Variants in AGBL1 observed in about 807,000 individuals in gnomAD.
AGBL1 encodes the protein AGBL carboxypeptidase 1, also known as cytosolic carboxypeptidase 4.
AGBL1 carries 130 observed loss-of-function variants against 118.9 expected under a neutral mutation model. That is an observed-to-expected ratio of 1.09 (90% CI 0.95 to 1.26). The LOEUF (loss-of-function observed/expected upper bound fraction) is 1.26. Among genes scored for constraint, AGBL1 ranks in the 50% most tolerant of loss-of-function variants. The pLI is 0.00. For missense variants in AGBL1, 1,584 were observed against 1,298.1 expected, an observed-to-expected ratio of 1.22 and a Z score of -3.38; for synonymous variants, 555 against 478.9, an observed-to-expected ratio of 1.16 and a Z score of -2.08.
At chr15:86,571,977 C>G (rs927515950) in intron 21 of AGBL1, among the ~76,000 whole-genome samples, 8 of 152,208 alleles carry the variant, frequency 5.3e-5, no homozygotes, top group African/African-American at 1.9e-4. Flanking sequence ...ACCCCCTTAG[C>G]CTCCCTCCCA....
At chr15:86,777,525 T>C (rs1280364300) in intron 22 of AGBL1, among the ~76,000 whole-genome samples, 1 of 152,092 alleles carries the variant, frequency 6.6e-6, no homozygotes, top group Non-Finnish European at 1.5e-5. Context: ...AAAGATCTTT[T>C]TGGAATTTTA....
intron 18 of AGBL1, among the ~76,000 whole-genome samples, chr15:86,425,295 A>T (rs1166514039): frequency 6.6e-6 from 1 of 151,948 alleles, no homozygotes; most frequent in African/African-American, 2.4e-5. Context: ...AGAAACAAAA[A>T]ACCAAACACC....
At chr15:86,182,735 C>T (rs2077571120) in intron 5 of AGBL1, among the ~76,000 whole-genome samples, 1 of 152,094 alleles carries the variant, frequency 6.6e-6, no homozygotes. Flanking sequence ...TAATAAGTCA[C>T]ATTGGATTAT....
At chr15:86,155,521 C>A (rs2077176877) in intron 4 of AGBL1, among the ~76,000 whole-genome samples, 1 of 152,176 alleles carries the variant, frequency 6.6e-6, no homozygotes, top group Non-Finnish European at 1.5e-5. Flanking sequence ...GAATTTCTAA[C>A]TCCAGAGCTC....
chr15:86,279,847 A>G (rs2079320735), intron 16 of AGBL1, 64 bp downstream of exon 16: 2 of 1,573,544 alleles, frequency 1.3e-6, no homozygotes, highest in Non-Finnish European at 1.7e-6. Flanking sequence ...TTTTCCTGGG[A>G]ACATTTTGGA....
intron 21 of AGBL1, among the ~76,000 whole-genome samples, chr15:86,658,613 T>C (rs1372187671): frequency 2.0e-5 from 3 of 152,140 alleles, no homozygotes; most frequent in Non-Finnish European, 4.4e-5. Flanking sequence ...TTGGCCAGTG[T>C]TTCTCATTTG....
chr15:86,977,354 G>A (rs55889073), intron 23 of AGBL1, among the ~76,000 whole-genome samples: 6,070 of 150,760 alleles, frequency 0.04, 151 homozygotes, highest in Middle Eastern at 0.069. Flanking sequence ...ATTGTAATGT[G>A]TGGTAAGTTC....
chr15:86,542,815 T>G (rs11852299), intron 19 of AGBL1, among the ~76,000 whole-genome samples: 73,347 of 152,026 alleles, frequency 0.48, 18,793 homozygotes, highest in East Asian at 0.75. Flanking sequence ...GATGTCTACT[T>G]TATCTGATAA....
At chr15:86,817,432 A>G (rs1213017548) in intron 22 of AGBL1, among the ~76,000 whole-genome samples, 1 of 151,572 alleles carries the variant, frequency 6.6e-6, no homozygotes, top group Non-Finnish European at 1.5e-5. Flanking sequence ...AAGCTATTAA[A>G]TAAGGCAAGT....
At chr15:86,193,461 C>G in intron 5 of AGBL1, among the ~76,000 whole-genome samples, 1 of 152,142 alleles carries the variant, frequency 6.6e-6, no homozygotes, top group East Asian at 1.9e-4. Flanking sequence ...AGGTGTCACT[C>G]TGGCCCACTT....
chr15:86,228,010 C>G (rs543670598), intron 6 of AGBL1, among the ~76,000 whole-genome samples: 3 of 152,286 alleles, frequency 2.0e-5, no homozygotes, highest in Admixed American at 6.5e-5. Flanking sequence ...GAAGTAATAA[C>G]AGCATGCTAG....
At chr15:86,391,858 C>T (rs1331746124) in intron 17 of AGBL1, among the ~76,000 whole-genome samples, 1 of 151,982 alleles carries the variant, frequency 6.6e-6, no homozygotes. Context: ...CAGACGTTTG[C>T]AAATACGTCT....
At chr15:86,861,168 A>G (rs1356670582) in intron 22 of AGBL1, among the ~76,000 whole-genome samples, 1 of 152,158 alleles carries the variant, frequency 6.6e-6, no homozygotes, top group Non-Finnish European at 1.5e-5. Context: ...TCTGATCCCC[A>G]TTGAAGGTAT....
intron 3 of AGBL1, among the ~76,000 whole-genome samples, chr15:86,144,153 T>C (rs912681492): frequency 6.6e-6 from 1 of 152,132 alleles, no homozygotes; most frequent in South Asian, 2.1e-4. Flanking sequence ...TAAAAATAAA[T>C]GGAACATGTC....
chr15:86,512,827 A>G (rs1163027958), intron 18 of AGBL1, among the ~76,000 whole-genome samples: 1 of 151,522 alleles, frequency 6.6e-6, no homozygotes, highest in African/African-American at 2.4e-5. Flanking sequence ...TTCTTTCTAC[A>G]CTAGGTTTTA....
intron 22 of AGBL1, among the ~76,000 whole-genome samples, chr15:86,775,355 A>G (rs11631662): frequency 0.11 from 16,160 of 152,148 alleles, 891 homozygotes; most frequent in South Asian, 0.15. Flanking sequence ...GCAAAAGGCA[A>G]TTGGGATCTC....
chr15:86,831,099 T>A (rs2079098160), intron 22 of AGBL1, among the ~76,000 whole-genome samples: 1 of 152,126 alleles, frequency 6.6e-6, no homozygotes, highest in Non-Finnish European at 1.5e-5. Flanking sequence ...CCATCAGATC[T>A]CCTGAGACTT....
At chr15:86,146,625 G>A (rs371225651) in intron 3 of AGBL1, among the ~76,000 whole-genome samples, 7 of 152,140 alleles carry the variant, frequency 4.6e-5, no homozygotes, top group Non-Finnish European at 8.8e-5. Context: ...GATACACCAG[G>A]CCAGTGATTT....
intron 18 of AGBL1, among the ~76,000 whole-genome samples, chr15:86,410,839 TATA>T (rs1188776877): frequency 1.5e-5 from 1 of 68,164 alleles, no homozygotes; most frequent in Non-Finnish European, 2.7e-5. Flanking sequence ...TATATATATA[TATA>T]ATATACTATT....
Sources: gnomAD v4.1 joint callset for allele counts (sites outside exome capture counted in the v4.1 genomes callset) on GRCh38, gnomAD v4.1.1 for gene constraint, MANE v1.5 for transcripts, NCBI Gene and HGNC (gene_info 2026-07-23, HGNC 2026-07-21) for gene names.